Variants in CIITA observed in about 807,000 individuals in gnomAD.
CIITA encodes MHC class II transactivator.
A neutral mutation model predicts 115.1 loss-of-function variants in CIITA; 72 were observed. The ratio of observed to expected loss-of-function variants is 0.63; its 90% CI spans 0.52 to 0.76. The LOEUF is 0.76. Among genes scored for constraint, CIITA ranks in the 30% least tolerant of loss-of-function variants. The probability of loss-of-function intolerance (pLI) is 0.00; values close to 1 mark genes in which losing one functional copy is unlikely to be tolerated. For missense variants in CIITA, 1,617 were observed against 1,463.8 expected, an observed-to-expected ratio of 1.10 and a Z score of -1.71; for synonymous variants, 763 against 635.6, an observed-to-expected ratio of 1.20 and a Z score of -3.02.
chr16:10,882,856 C>G (rs1040763859), intron 1 of CIITA, among the ~76,000 whole-genome samples: 14 of 151,844 alleles, frequency 9.2e-5, no homozygotes, highest in Admixed American at 4.6e-4. Flanking sequence ...GAGATCACAC[C>G]ATTGCACTCC....
intron 1 of CIITA, among the ~76,000 whole-genome samples, chr16:10,880,312 G>A (rs1197229438): frequency 2.0e-5 from 3 of 152,138 alleles, no homozygotes; most frequent in Non-Finnish European, 4.4e-5. Context: ...CCTGGGGTGA[G>A]GCTGAGATCC....
At chr16:10,913,665 C>A (rs1177582096) in intron 13 of CIITA, among the ~76,000 whole-genome samples, 1 of 150,954 alleles carries the variant, frequency 6.6e-6, no homozygotes, top group South Asian at 2.2e-4. Context: ...TCTGGCCAGG[C>A]GCAGTGGCTT....
In CIITA at chr16:10,907,904, G is replaced by C; in HGVS notation, c.2412G>C (p.Arg804=). Residue 804 remains arginine, a synonymous_variant, in exon 11 of 20, where the codon CGG becomes CGC. Transcript: ENST00000324288. This position sits in a 1 kb window ranked among gnomAD's most constrained non-coding sequence, Gnocchi z 5.0. ...KRLQPGTLRA[R]QLLELLHCAH... ...TGCAGCCGGGGACACTGCGGGCGCG[G>C]CAGCTGCTGGAGCTGCTGCACTGCG... The C allele has an allele frequency of 6.3e-7, 1 of 1,583,688 alleles. No homozygotes were observed. Among genetic ancestry groups the C allele is most frequent in the Non-Finnish European group, 8.6e-7 (1 of 1,165,258 alleles).
intron 1 of CIITA, among the ~76,000 whole-genome samples, chr16:10,870,695 C>T (rs979027760): frequency 1.3e-5 from 2 of 152,192 alleles, no homozygotes; most frequent in Non-Finnish European, 2.9e-5. Flanking sequence ...CTAGACCACT[C>T]GGAATCTCAG....
chr16:10,918,098 G>T (rs2040057218), intron 15 of CIITA, among the ~76,000 whole-genome samples: 1 of 152,190 alleles, frequency 6.6e-6, no homozygotes, highest in Non-Finnish European at 1.5e-5. Flanking sequence ...CCTGCTCCAT[G>T]TGAAGCCCAC....
chr16:10,914,203 G>A (rs1307856575), intron 13 of CIITA, among the ~76,000 whole-genome samples: 1 of 152,160 alleles, frequency 6.6e-6, no homozygotes, highest in African/African-American at 2.4e-5. Context: ...AACAACGAAT[G>A]CCTTAATCCA....
intron 1 of CIITA, among the ~76,000 whole-genome samples, chr16:10,891,424 G>A (rs1027544399): frequency 1.3e-5 from 2 of 152,150 alleles, no homozygotes; most frequent in South Asian, 2.1e-4. Context: ...AATGCCCTGT[G>A]AGAAAACTGA....
upstream of CIITA, among the ~76,000 whole-genome samples, chr16:10,876,565 A>G (rs1201989437): frequency 6.6e-6 from 1 of 152,230 alleles, no homozygotes; most frequent in African/African-American, 2.4e-5. Context: ...GGATGGGCAG[A>G]GACTGGAAAA....
chr16:10,916,225 G>T, intron 14 of CIITA, 142 bp from the exon 15 acceptor site: 1 of 763,062 alleles, frequency 1.3e-6, no homozygotes, highest in Non-Finnish European at 2.3e-6. Context: ...AAAAGCTCAG[G>T]AATGTGCCGG....
At chr16:10,916,522 A>G (rs1486712413) in intron 15 of CIITA, 63 bp downstream of exon 15, 27 of 1,417,146 alleles carry the variant, frequency 1.9e-5, no homozygotes, top group Non-Finnish European at 2.3e-5. Flanking sequence ...TGACTTTTTC[A>G]AAATTAATTT....
At position 10,877,202 on chromosome 16, in the gene CIITA, A is replaced by G; in HGVS notation, c.-129A>G. The G allele has an allele frequency of 1.3e-6, 1 of 776,520 alleles. No individual in the cohort carries two copies. The highest frequency in any genetic ancestry group is 2.7e-5 in the East Asian group (1 of 37,242). 48.1% of individuals were successfully genotyped at this position (776,520 alleles called of 1,614,324 possible). On this transcript the variant is annotated 5_prime_UTR_variant, in exon 1 of 20. Transcript: ENST00000324288. ...GCGGGCTCCCAACTGGTGACTGGTT[A>G]GTGATGAGGCTAGTGATGAGGCTGT...
At position 10,907,069 on chromosome 16, in the gene CIITA, G is replaced by C. The variant is rs200240463; in HGVS notation, c.1577G>C (p.Arg526Pro). 3.4e-5 allele frequency: 54 copies of C among 1,607,058 alleles called. No homozygotes were observed. Among genetic ancestry groups the C allele is most frequent in the Non-Finnish European group, 4.2e-5 (50 of 1,179,878 alleles). Reference protein sequence around the residue: ...GPAPAEPCSLRGLLAGLFQKK... With the variant: ...GPAPAEPCSLPGLLAGLFQKK... ...GCACCGGCGGAGCCCTGCTCCCTCC[G>C]GGGGCTGCTGGCCGGCCTTTTCCAG... Residue 526 changes from arginine (R) to proline (P), a missense_variant, in exon 11 of 20, where the codon CGG (arginine) becomes CCG (proline). By Grantham distance (103) the Arg-to-Pro change is moderately radical (BLOSUM62 -2). Transcript: ENST00000324288. The surrounding 1 kb of genome is among the most constrained non-coding windows in gnomAD (Gnocchi z 5.0).
Position 10,879,396 on chromosome 16 carries a change from C to A in CIITA, c.52+2014C>A, listed in dbSNP as rs935830521. Among the ~76,000 whole-genome samples, 1 of 152,204 alleles carries A rather than the reference C, an allele frequency of 6.6e-6. No individual in the cohort carries two copies. The highest frequency in any genetic ancestry group is 2.4e-5 in the African/African-American group (1 of 41,450). On this transcript the variant is annotated intron_variant, in intron 1 of 19. Coordinates refer to ENST00000324288, the MANE Select transcript of CIITA (RefSeq NM_000246.4). This position sits in a 1 kb window ranked among gnomAD's most constrained non-coding sequence, Gnocchi z 4.3. ...TTGGCCGACTCCGCGCGCCCGGGATCCTGCAGAGGTGCGCGCCCTTCTTGT... is the reference window on the plus strand; with the variant it reads ...TTGGCCGACTCCGCGCGCCCGGGATACTGCAGAGGTGCGCGCCCTTCTTGT...
Position 10,928,396 on chromosome 16 carries a change from C to G in CIITA, c.*4541C>G, listed in dbSNP as rs2040622988. ...TCTGCCTCCCTGGTTTCAAGCAATTCTCCTGCCTCAGCCTCCCGAGTAGCT... is the reference window on the plus strand; with the variant it reads ...TCTGCCTCCCTGGTTTCAAGCAATTGTCCTGCCTCAGCCTCCCGAGTAGCT... On this transcript the variant is annotated 3_prime_UTR_variant, in exon 20 of 20. Transcript: ENST00000324288. The G allele has an allele frequency of 6.6e-6, 1 of 152,432 alleles. No homozygotes were observed. Among genetic ancestry groups the G allele is most frequent in the Admixed American group, 6.5e-5 (1 of 15,284 alleles). 9.4% of individuals were successfully genotyped at this position (152,432 alleles called of 1,614,324 possible). A position where few individuals can be genotyped will look rare whatever the true frequency, so the allele number is the denominator to read the frequency against.
At chr16:10,903,477 G>C (rs2038927375) in intron 8 of CIITA, among the ~76,000 whole-genome samples, 1 of 152,180 alleles carries the variant, frequency 6.6e-6, no homozygotes, top group Non-Finnish European at 1.5e-5. Flanking sequence ...GAGTGCAATA[G>C]TAGTACCTGC....
intron 1 of CIITA, among the ~76,000 whole-genome samples, chr16:10,867,497 G>C (rs1249592043): frequency 1.3e-5 from 2 of 151,834 alleles, no homozygotes; most frequent in East Asian, 3.9e-4. Context: ...AAGGGAGGGA[G>C]AGGAAGGAAG....
At chr16:10,890,131 T>C (rs1425245843) in intron 1 of CIITA, among the ~76,000 whole-genome samples, 2 of 151,982 alleles carry the variant, frequency 1.3e-5, no homozygotes, top group African/African-American at 4.8e-5. Flanking sequence ...CTGAAATGTG[T>C]ATTGGGGGCT....
intron 1 of CIITA, among the ~76,000 whole-genome samples, 178 bp downstream of exon 1, chr16:10,877,560 G>C (rs143936947): frequency 2.0e-5 from 3 of 152,214 alleles, no homozygotes; most frequent in African/African-American, 4.8e-5. Context: ...TCCTTCCACC[G>C]GAGGGAGACT....
intron 1 of CIITA, among the ~76,000 whole-genome samples, chr16:10,867,761 T>G (rs964329238): frequency 6.6e-6 from 1 of 151,938 alleles, no homozygotes; most frequent in Non-Finnish European, 1.5e-5. Flanking sequence ...TGTCACAACT[T>G]TCTTTCTTTT....
Sources: allele counts gnomAD v4.1 joint callset (sites outside exome capture counted in the v4.1 genomes callset), GRCh38; gene constraint gnomAD v4.1.1; non-coding constraint Gnocchi (gnomAD v3.1); transcripts MANE v1.5; gene names NCBI Gene and HGNC (gene_info 2026-07-23, HGNC 2026-07-21).